The following S100A8 variants were observed in gnomAD, a reference collection of about 807,000 sequenced individuals.
S100A8 encodes the protein protein S100-A8.
A neutral mutation model predicts 4.2 loss-of-function variants in S100A8; 1 was observed. The observed-to-expected ratio is 0.24, with a 90% CI of 0.08 to 1.12. The LOEUF is 1.12. S100A8 is among the 50% of genes most tolerant of loss of function. The pLI is 0.53. For synonymous variants in S100A8, 41 were observed against 44.7 expected, an observed-to-expected ratio of 0.92 and a Z score of 0.33; for missense variants, 96 against 111.8, an observed-to-expected ratio of 0.86 and a Z score of 0.64.
chr1:153,418,809 T>A, the S100A8 span, among the ~76,000 whole-genome samples: 1 of 151,898 alleles, frequency 6.6e-6, no homozygotes, highest in Admixed American at 6.6e-5. Flanking sequence ...GGCCCTGGGG[T>A]AGAACTAAGG....
At chr1:153,399,441 C>T in the S100A8 span, among the ~76,000 whole-genome samples, 1 of 152,226 alleles carries the variant, frequency 6.6e-6, no homozygotes, top group African/African-American at 2.4e-5. Context: ...GTCCTCTCAG[C>T]TCCAGGGCTT....
At chr1:153,393,907 G>A (rs947801900), upstream of S100A8, among the ~76,000 whole-genome samples, 3 of 152,208 alleles carry the variant, frequency 2.0e-5, no homozygotes, top group African/African-American at 7.2e-5. Context: ...GGAGTCCTGA[G>A]TGGTGACCTC....
upstream of S100A8, among the ~76,000 whole-genome samples, chr1:153,392,841 G>A (rs530886118): frequency 3.9e-5 from 6 of 152,296 alleles, no homozygotes; most frequent in African/African-American, 1.4e-4. Flanking sequence ...CTCTGGATGT[G>A]AGCCATTGGG....
At chr1:153,397,625 A>G in the S100A8 span, among the ~76,000 whole-genome samples, 1 of 152,136 alleles carries the variant, frequency 6.6e-6, no homozygotes, top group African/African-American at 2.4e-5. Context: ...GGCAGCTTTC[A>G]GCAAGATTTG....
chr1:153,413,816 G>A, the S100A8 span, among the ~76,000 whole-genome samples: 1 of 152,008 alleles, frequency 6.6e-6, no homozygotes, highest in Non-Finnish European at 1.5e-5. Flanking sequence ...CAGGAGAATC[G>A]CTTGAACCTA....
At chr1:153,391,545 G>A (rs756465191), upstream of S100A8, among the ~76,000 whole-genome samples, 14 of 152,172 alleles carry the variant, frequency 9.2e-5, no homozygotes, top group Non-Finnish European at 1.3e-4. Flanking sequence ...TTGAGAACAC[G>A]TGTCCTGGCT....
chr1:153,408,312 G>A, the S100A8 span, among the ~76,000 whole-genome samples: 29 of 152,256 alleles, frequency 1.9e-4, no homozygotes, highest in South Asian at 2.1e-4. Context: ...ACCATGGCAC[G>A]AGAACTACAT....
intron 2 of S100A8, 56 bp from the exon 3 acceptor site, chr1:153,390,299 G>T: frequency 1.2e-6 from 2 of 1,602,084 alleles, no homozygotes; most frequent in Non-Finnish European, 1.7e-6. Flanking sequence ...GAGAGCCGAG[G>T]CATAGCCATC....
the S100A8 span, among the ~76,000 whole-genome samples, chr1:153,408,301 A>T: frequency 6.6e-6 from 1 of 152,254 alleles, no homozygotes; most frequent in Non-Finnish European, 1.5e-5. Flanking sequence ...TGGAGCTGAA[A>T]ACCATGGCAC....
chr1:153,416,103 C>T, the S100A8 span, among the ~76,000 whole-genome samples: 1 of 152,158 alleles, frequency 6.6e-6, no homozygotes. Context: ...CATTAAAACG[C>T]TCAGTAAGCG....
chr1:153,418,213 T>A, the S100A8 span: 1 of 1,613,978 alleles, frequency 6.2e-7, no homozygotes, highest in Non-Finnish European at 8.5e-7. Context: ...CCCAATTTCC[T>A]CAGTGCCTGT....
At chr1:153,400,215 C>T in the S100A8 span, among the ~76,000 whole-genome samples, 1 of 152,174 alleles carries the variant, frequency 6.6e-6, no homozygotes, top group Non-Finnish European at 1.5e-5. Flanking sequence ...GGGTGATGGA[C>T]GGGAGGTGAA....
chr1:153,419,282 G>C, the S100A8 span: 3 of 1,613,940 alleles, frequency 1.9e-6, no homozygotes, highest in South Asian at 3.3e-5. Flanking sequence ...GCCATGGAGC[G>C]GCGCCCTGTT....
At chr1:153,395,672 G>T (rs183364514), upstream of S100A8, among the ~76,000 whole-genome samples, 4 of 152,224 alleles carry the variant, frequency 2.6e-5, no homozygotes, top group Admixed American at 2.6e-4. Context: ...AACAACTAAG[G>T]ATCCCTTACC....
At chr1:153,420,881 G>T in the S100A8 span, 2 of 151,652 alleles carry the variant, frequency 1.3e-5, no homozygotes, top group Non-Finnish European at 2.9e-5. Context: ...TCCTCTCTTA[G>T]CTCTGTTGCC....
At chr1:153,405,102 C>G in the S100A8 span, among the ~76,000 whole-genome samples, 1 of 151,982 alleles carries the variant, frequency 6.6e-6, no homozygotes, top group South Asian at 2.1e-4. Context: ...CCCCGCACTG[C>G]TTTCTCCAGC....
the S100A8 span, among the ~76,000 whole-genome samples, chr1:153,412,985 G>A: frequency 1.4e-4 from 22 of 152,276 alleles, no homozygotes; most frequent in African/African-American, 4.8e-4. Context: ...GGCCTGTCGT[G>A]AGGTTGGGGC....
the S100A8 span, among the ~76,000 whole-genome samples, chr1:153,415,900 A>G: frequency 4.6e-5 from 7 of 152,214 alleles, no homozygotes; most frequent in African/African-American, 7.2e-5. Flanking sequence ...CCTATAGCAC[A>G]GGGGATAAGA....
chr1:153,405,566 G>T, the S100A8 span, among the ~76,000 whole-genome samples: 2 of 149,208 alleles, frequency 1.3e-5, no homozygotes, highest in Admixed American at 6.6e-5. Flanking sequence ...ATCACATCCC[G>T]CTGGAAAAAG....
Sources: allele counts gnomAD v4.1 joint callset (sites outside exome capture counted in the v4.1 genomes callset), GRCh38; gene constraint gnomAD v4.1.1; transcripts MANE v1.5; gene names NCBI Gene and HGNC (gene_info 2026-07-23, HGNC 2026-07-21).